The following HMGXB4 variants were observed in gnomAD, a reference collection of about 807,000 sequenced individuals.
The protein encoded by HMGXB4 is HMG-box containing 4, also known as HMG domain-containing protein 4.
HMGXB4 carries 27 observed loss-of-function variants against 63.9 expected under a neutral mutation model. The ratio of observed to expected loss-of-function variants is 0.42; its 90% CI spans 0.31 to 0.58. The LOEUF is 0.58. HMGXB4 is among the 20% of genes least tolerant of loss of function. The pLI is 0.13. For synonymous variants in HMGXB4, 264 were observed against 265.3 expected, an observed-to-expected ratio of 0.99 and a Z score of 0.05; for missense variants, 624 against 700.7, an observed-to-expected ratio of 0.89 and a Z score of 1.24.
At chr22:35,259,355 T>G (rs766129195) in intron 1 of HMGXB4, among the ~76,000 whole-genome samples, 1 of 152,224 alleles carries the variant, frequency 6.6e-6, no homozygotes, top group African/African-American at 2.4e-5. Flanking sequence ...TCCCAAATTA[T>G]TGAATTGAGA....
the HMGXB4 span, among the ~76,000 whole-genome samples, chr22:35,251,698 T>G: frequency 6.6e-6 from 1 of 152,186 alleles, no homozygotes; most frequent in African/African-American, 2.4e-5. Flanking sequence ...ATCTAATCTT[T>G]TTTAAACAGT....
At chr22:35,282,397 C>T (rs549257341) in intron 5 of HMGXB4, among the ~76,000 whole-genome samples, 2 of 152,182 alleles carry the variant, frequency 1.3e-5, no homozygotes, top group East Asian at 3.9e-4. Context: ...AGGATGACCT[C>T]GTGATCTGCC....
At chr22:35,277,489 C>T (rs1923981865) in intron 5 of HMGXB4, among the ~76,000 whole-genome samples, 1 of 152,174 alleles carries the variant, frequency 6.6e-6, no homozygotes. Flanking sequence ...GCTGGGACTA[C>T]AGGCACATGC....
the HMGXB4 span, among the ~76,000 whole-genome samples, chr22:35,251,730 C>T: frequency 2.0e-5 from 3 of 152,112 alleles, no homozygotes; most frequent in Admixed American, 6.5e-5. Flanking sequence ...ATAATTGATA[C>T]GCAAGGAAGT....
At chr22:35,281,101 CT>C (rs1473529186) in intron 5 of HMGXB4, among the ~76,000 whole-genome samples, 2 of 152,170 alleles carry the variant, frequency 1.3e-5, no homozygotes, top group African/African-American at 4.8e-5. Context: ...TAATGGGTTA[CT>C]TTTTTTCTAC....
chr22:35,286,851 CAA>C (rs67190857), intron 7 of HMGXB4: 6 of 72,814 alleles, frequency 8.2e-5, no homozygotes, highest in African/African-American at 2.5e-4. Flanking sequence ...AACTCCATCT[CAA>C]AAAAAAAAAA....
the HMGXB4 span, among the ~76,000 whole-genome samples, chr22:35,250,891 C>A: frequency 1.3e-5 from 2 of 152,080 alleles, no homozygotes; most frequent in African/African-American, 4.8e-5. Flanking sequence ...TACAAAGGGC[C>A]TTTTGACTCC....
intron 5 of HMGXB4, among the ~76,000 whole-genome samples, chr22:35,269,399 T>A (rs1923464610): frequency 6.6e-6 from 1 of 152,116 alleles, no homozygotes; most frequent in Admixed American, 6.5e-5. Flanking sequence ...AAAATAGAAT[T>A]CATAGAAGGG....
chr22:35,259,307 C>A (rs550882726), intron 1 of HMGXB4, among the ~76,000 whole-genome samples: 1 of 152,304 alleles, frequency 6.6e-6, no homozygotes, highest in Non-Finnish European at 1.5e-5. Context: ...CAAAATTATT[C>A]TTGCCTCTTG....
chr22:35,273,518 A>G (rs1258632345), intron 5 of HMGXB4, among the ~76,000 whole-genome samples: 1 of 152,236 alleles, frequency 6.6e-6, no homozygotes, highest in African/African-American at 2.4e-5. Flanking sequence ...TGGCTTAGTA[A>G]ATGTCAGCTG....
rs762501665 is a variant in HMGXB4, at chr22:35,264,890, A to G, written c.502A>G (p.Lys168Glu). Residue 168 changes from lysine to glutamate, a missense_variant, in exon 5 of 11, where the codon AAA becomes GAA. Around this residue, in one of 2 missense-constraint regions of HMGXB4, gnomAD observed 472 missense variants for 470.6 expected, o/e 1.00. Coordinates refer to ENST00000216106, the MANE Select transcript of HMGXB4 (RefSeq NM_001003681.3). The stretch of plus-strand genomic sequence containing the variant: ...ACCCCTAGAGGATGGTGGCTCCCAC[A>G]AATCGAAAAAAATGAAACCTCTCTA... ...ELPLEDGGSH[K>E]SKKMKPLYVN... 9 of 1,614,066 alleles carry G rather than the reference A, an allele frequency of 5.6e-6. No individual in the cohort carries two copies. The Admixed American group carries it at 1.5e-4, about 27-fold the overall frequency.
chr22:35,252,800 G>A (rs774318814), upstream of HMGXB4, among the ~76,000 whole-genome samples: 2 of 152,086 alleles, frequency 1.3e-5, no homozygotes, highest in Non-Finnish European at 2.9e-5. Flanking sequence ...TCAAGAGTTC[G>A]AGACCAGCCT....
At chr22:35,281,380 T>C (rs895256129) in intron 5 of HMGXB4, among the ~76,000 whole-genome samples, 1 of 152,224 alleles carries the variant, frequency 6.6e-6, no homozygotes, top group African/African-American at 2.4e-5. Flanking sequence ...CCAGCACAGG[T>C]ACTCAATAAA....
chr22:35,267,251 G>A (rs1029256285), intron 5 of HMGXB4, among the ~76,000 whole-genome samples: 1 of 151,502 alleles, frequency 6.6e-6, no homozygotes, highest in African/African-American at 2.4e-5. Context: ...GAATCAGTGT[G>A]AACATAAAGA....
chr22:35,265,579 CAA>C lies in HMGXB4; in HGVS notation c.1193_1194del (p.Lys398ArgfsTer21), dbSNP rs773519729. 13 of 1,590,688 alleles carry C rather than the reference CAA, an allele frequency of 8.2e-6. No individual in the cohort carries two copies. The highest frequency in any genetic ancestry group is 2.2e-5 in the East Asian group (1 of 44,644). ...AAAAAAAGAAAAAAGAAGAGAAGGA[CAA>C]AGAGAGAGAGAGAGGAGAAAAGGTA... ...EKKKKKEEKD[K>X]ERERGEKPKK... On this transcript the variant is annotated frameshift_variant, in exon 5 of 11. Coordinates refer to ENST00000216106, the MANE Select transcript of HMGXB4 (RefSeq NM_001003681.3). LOFTEE classifies it high-confidence loss of function.
intron 5 of HMGXB4, 65 bp from the exon 6 acceptor site, chr22:35,283,897 T>C: frequency 8.6e-7 from 1 of 1,157,258 alleles, no homozygotes; most frequent in Non-Finnish European, 1.3e-6. Context: ...TTACTATGGA[T>C]TCAGGGTTAC....
At chr22:35,266,150 C>CTT (rs1302078047) in intron 5 of HMGXB4, among the ~76,000 whole-genome samples, 1 of 152,082 alleles carries the variant, frequency 6.6e-6, no homozygotes, top group East Asian at 1.9e-4. Flanking sequence ...TACACTGTGG[C>CTT]TTTTTCCAGC....
the HMGXB4 span, among the ~76,000 whole-genome samples, chr22:35,245,042 T>G: frequency 6.6e-6 from 1 of 151,948 alleles, no homozygotes; most frequent in African/African-American, 2.4e-5. Context: ...CCGGCTAACT[T>G]TTTGTATTTT....
intron 5 of HMGXB4, among the ~76,000 whole-genome samples, chr22:35,268,381 C>A (rs1020666563): frequency 1.3e-5 from 2 of 152,182 alleles, no homozygotes; most frequent in Admixed American, 6.5e-5. Context: ...ATCTTTCAAG[C>A]CTTTAGCTCC....
Sources: gnomAD v4.1 joint callset for allele counts (sites outside exome capture counted in the v4.1 genomes callset) on GRCh38, gnomAD v4.1.1 for gene constraint, gnomAD v4.1.1 regional missense constraint, MANE v1.5 for transcripts, NCBI Gene and HGNC (gene_info 2026-07-23, HGNC 2026-07-21) for gene names.